The following OSBPL10 variants were observed in gnomAD, a reference collection of about 807,000 sequenced individuals.
The protein encoded by OSBPL10 is oxysterol-binding protein-related protein 10.
In OSBPL10, 49 loss-of-function variants were observed where a neutral mutation model predicts 81.7. The ratio of observed to expected loss-of-function variants is 0.60; its 90% CI spans 0.48 to 0.76. OSBPL10 has a LOEUF of 0.76. OSBPL10 is among the 30% of genes least tolerant of loss of function. The pLI is 0.00. For missense variants in OSBPL10, 923 were observed against 987.8 expected (o/e 0.93, Z 0.88); for synonymous variants, 419 against 383.6 (o/e 1.09, Z -1.08).
chr3:31,725,127 G>A (rs981845338), intron 6 of OSBPL10, among the ~76,000 whole-genome samples: 8 of 152,260 alleles, frequency 5.3e-5, no homozygotes, highest in African/African-American at 1.4e-4. Context: ...AATAAACTGG[G>A]TTATGAAAAT....
chr3:31,711,626 G>A (rs991912487), intron 6 of OSBPL10, among the ~76,000 whole-genome samples: 8 of 152,182 alleles, frequency 5.3e-5, no homozygotes, highest in Non-Finnish European at 4.4e-5. Context: ...AAGGCCAGGT[G>A]TTGTGATTCC....
intron 1 of OSBPL10, among the ~76,000 whole-genome samples, chr3:32,067,975 T>C (rs926238662): frequency 6.6e-6 from 1 of 152,158 alleles, no homozygotes; most frequent in Non-Finnish European, 1.5e-5. Context: ...AAGAGACCAG[T>C]TCCCTGTCCT....
intron 1 of OSBPL10, among the ~76,000 whole-genome samples, chr3:31,882,767 T>G (rs1381680244): frequency 6.6e-6 from 1 of 152,186 alleles, no homozygotes; most frequent in Non-Finnish European, 1.5e-5. Flanking sequence ...CATCACCTGC[T>G]GAGCAACACC....
chr3:31,737,458 T>A (rs1288341570), intron 5 of OSBPL10, among the ~76,000 whole-genome samples: 1 of 151,990 alleles, frequency 6.6e-6, no homozygotes, highest in Non-Finnish European at 1.5e-5. Flanking sequence ...CAAAGCACCC[T>A]CTATGAAACA....
chr3:31,969,970 G>T (rs1014783458), intron 1 of OSBPL10, among the ~76,000 whole-genome samples: 3 of 152,082 alleles, frequency 2.0e-5, no homozygotes, highest in African/African-American at 7.2e-5. Flanking sequence ...TCTTGCAGTG[G>T]AATTAGCTGG....
At chr3:31,926,789 T>A (rs1321902199) in intron 1 of OSBPL10, among the ~76,000 whole-genome samples, 1 of 152,116 alleles carries the variant, frequency 6.6e-6, no homozygotes, top group Non-Finnish European at 1.5e-5. Context: ...GTAACACAGT[T>A]GCACTTCCTC....
At chr3:31,989,687 T>C (rs777769636) in intron 2 of OSBPL10, 9 of 1,614,016 alleles carry the variant, frequency 5.6e-6, no homozygotes, top group Non-Finnish European at 5.1e-6. Flanking sequence ...AAAATCCATA[T>C]TTCTAATAAC....
At chr3:31,821,143 A>C (rs1171443807) in intron 4 of OSBPL10, among the ~76,000 whole-genome samples, 2 of 151,858 alleles carry the variant, frequency 1.3e-5, no homozygotes, top group African/African-American at 2.4e-5. Context: ...GCAGGTTGAG[A>C]CCACAACAGA....
chr3:31,663,634 G>C, intron 11 of OSBPL10: 1 of 1,047,818 alleles, frequency 9.5e-7, no homozygotes, highest in South Asian at 3.4e-5. Flanking sequence ...AGGAGGCAAA[G>C]CTCTGAAAGG....
intron 1 of OSBPL10, among the ~76,000 whole-genome samples, chr3:31,893,721 A>C (rs1695973108): frequency 6.6e-6 from 1 of 152,004 alleles, no homozygotes; most frequent in South Asian, 2.1e-4. Flanking sequence ...GATGAACCTC[A>C]AAAACATTAT....
chr3:31,773,266 A>G (rs180943699), intron 4 of OSBPL10, among the ~76,000 whole-genome samples: 2 of 152,318 alleles, frequency 1.3e-5, no homozygotes, highest in South Asian at 2.1e-4. Context: ...CAGCTGCACT[A>G]TAACTCACAC....
chr3:31,792,880 G>GTGTT (rs1169174435), intron 4 of OSBPL10, among the ~76,000 whole-genome samples: 1 of 94,410 alleles, frequency 1.1e-5, no homozygotes, highest in East Asian at 2.8e-4. Context: ...GTGTGTGTGT[G>GTGTT]TGTGTGTGTG....
intron 1 of OSBPL10, among the ~76,000 whole-genome samples, chr3:31,925,002 A>G (rs575263995): frequency 6.6e-6 from 1 of 152,334 alleles, no homozygotes; most frequent in East Asian, 1.9e-4. Context: ...GAAAATGAAT[A>G]GAAGTCTCCT....
At chr3:31,717,040 G>C (rs1193772293) in intron 6 of OSBPL10, 1 of 152,220 alleles carries the variant, frequency 6.6e-6, no homozygotes, top group African/African-American at 2.4e-5. Flanking sequence ...CAAGTCATTA[G>C]AAGCAAGAGG....
intron 6 of OSBPL10, among the ~76,000 whole-genome samples, chr3:31,706,844 C>A (rs1227178558): frequency 1.3e-5 from 2 of 152,226 alleles, no homozygotes; most frequent in African/African-American, 4.8e-5. Flanking sequence ...AGAGTCCACT[C>A]ATTTCCCTGT....
chr3:31,902,864 G>A (rs1205163522), intron 1 of OSBPL10, among the ~76,000 whole-genome samples: 2 of 152,178 alleles, frequency 1.3e-5, no homozygotes, highest in Non-Finnish European at 2.9e-5. Context: ...TCAGTGGCCA[G>A]CAGGCACCTG....
chr3:31,693,152 G>A (rs1695606111), intron 7 of OSBPL10, among the ~76,000 whole-genome samples: 1 of 152,172 alleles, frequency 6.6e-6, no homozygotes, highest in Admixed American at 6.5e-5. Context: ...AGTGGAAGCA[G>A]GATCAGGGAG....
rs142360311 is a variant in OSBPL10 at position 31,758,509 on chromosome 3, C to T, written c.730-10389G>A. On this transcript the variant is annotated intron_variant, in intron 4 of 11. Coordinates refer to ENST00000396556, the MANE Select transcript of OSBPL10 (RefSeq NM_017784.5). Reference sequence around the variant, plus strand: ...AAACCAGCCCTTTCAAACAACTCCACCCCCATTTCAATCAAGCCCACTGAC... The same window carrying T: ...AAACCAGCCCTTTCAAACAACTCCATCCCCATTTCAATCAAGCCCACTGAC... 1.8e-3 allele frequency among the ~76,000 whole-genome samples: 272 copies of T among 152,246 alleles called. 2 individuals carry two copies. Among genetic ancestry groups the T allele is most frequent in the African/African-American group, 6.4e-3 (264 of 41,546 alleles).
intron 4 of OSBPL10, 49 bp downstream of exon 4, chr3:31,829,991 G>GC (rs1480389415): frequency 1.3e-6 from 2 of 1,533,422 alleles, no homozygotes; most frequent in South Asian, 1.3e-5. Context: ...GACTGTCACA[G>GC]CCCCCAACTC....
Sources: allele counts gnomAD v4.1 joint callset (sites outside exome capture counted in the v4.1 genomes callset), GRCh38; gene constraint gnomAD v4.1.1; transcripts MANE v1.5; gene names NCBI Gene and HGNC (gene_info 2026-07-23, HGNC 2026-07-21).